AK3: variants seen among roughly 807,000 people sequenced by gnomAD.
AK3 encodes GTP:AMP phosphotransferase AK3, mitochondrial.
Under a neutral mutation model 23.7 loss-of-function variants are expected in AK3, and 27 were observed. The ratio of observed to expected loss-of-function variants is 1.14; its 90% CI spans 0.84 to 1.57. The LOEUF is 1.57. Ranked by LOEUF, AK3 falls within the 40% of genes most tolerant of loss-of-function variation. AK3 has a pLI of 0.00. For missense variants in AK3, 406 were observed against 285.6 expected (o/e 1.42, Z -3.04); for synonymous variants, 159 against 116.0 (o/e 1.37, Z -2.38).
At chr9:4,738,697 T>C (rs1401034767) in intron 1 of AK3, among the ~76,000 whole-genome samples, 1 of 151,758 alleles carries the variant, frequency 6.6e-6, no homozygotes, top group Non-Finnish European at 1.5e-5. Flanking sequence ...GGGATCTTAA[T>C]TTACCTTTTT....
rs1224209287 is a variant in AK3 at position 4,739,495 on chromosome 9, T to C, written c.151+1442A>G. On this transcript the variant is annotated intron_variant, in intron 1 of 4. Coordinates refer to ENST00000381809, the MANE Select transcript of AK3 (RefSeq NM_016282.4). ...AAGTGTGAACTGGTTAAATAAATCATACTAGATTCAGAAAATACATACTAC... is the reference window on the plus strand; with the variant it reads ...AAGTGTGAACTGGTTAAATAAATCACACTAGATTCAGAAAATACATACTAC... 2.7e-5 allele frequency among the ~76,000 whole-genome samples: 4 copies of C among 150,868 alleles called. No individual in the cohort carries two copies. In the East Asian group the frequency reaches 5.8e-4, roughly 22 times the overall value.
chr9:4,719,178 C>G lies in AK3; in HGVS notation c.401G>C (p.Ser134Thr), dbSNP rs1405083317. Residue 134 changes from serine (S) to threonine (T), a missense_variant, in exon 3 of 5, where the codon AGT becomes ACT. Transcript: ENST00000381809. ...RLTARWIHPASGRVYNIEFNP... is the reference protein window; with the variant it reads ...RLTARWIHPATGRVYNIEFNP... ...GAATTCAATGTTATAGACTCGGCCA[C>G]TGGCGGGATGAATCCAGCGAGCAGT... 6.2e-7 allele frequency: 1 copy of G among 1,611,904 alleles called. No homozygotes were observed. The highest frequency in any genetic ancestry group is 1.1e-5 in the South Asian group (1 of 90,984).
intron 4 of AK3, among the ~76,000 whole-genome samples, chr9:4,714,039 T>G (rs200316229): frequency 0.11 from 426 of 3,712 alleles, 89 homozygotes; most frequent in African/African-American, 0.26. Context: ...CACATATACA[T>G]CTACACATAT....
At chr9:4,721,361 C>T (rs1314028199) in intron 2 of AK3, among the ~76,000 whole-genome samples, 4 of 150,980 alleles carry the variant, frequency 2.6e-5, no homozygotes, top group African/African-American at 9.8e-5. Flanking sequence ...GGAGATCGCA[C>T]CATCACACTC....
chr9:4,731,002 G>T (rs1439964333), intron 1 of AK3, among the ~76,000 whole-genome samples: 1 of 152,072 alleles, frequency 6.6e-6, no homozygotes, highest in Non-Finnish European at 1.5e-5. Context: ...CACCTCTTTT[G>T]ACTGCCTTAC....
intron 1 of AK3, among the ~76,000 whole-genome samples, chr9:4,722,852 T>G (rs181927888): frequency 8.6e-5 from 13 of 151,020 alleles, no homozygotes; most frequent in African/African-American, 3.2e-4. Context: ...AGGACAGGAG[T>G]TCAAGACTAG....
rs1194942640 is a variant in AK3, at chr9:4,711,581, G to C, written c.*1395C>G. 6.6e-6 allele frequency: 1 copy of C among 152,334 alleles called. No homozygotes were observed. Among genetic ancestry groups the C allele is most frequent in the East Asian group, 1.9e-4 (1 of 5,196 alleles). 9.4% of individuals were successfully genotyped at this position (152,334 alleles called of 1,614,324 possible). On this transcript the variant is annotated 3_prime_UTR_variant, in exon 5 of 5. Transcript: ENST00000381809. Reference sequence around the variant, plus strand: ...TATTTTAAGTACCTGGGAAAAAAACGGAACAGATTTTTAAAGGCAATAACG... The same window carrying C: ...TATTTTAAGTACCTGGGAAAAAAACCGAACAGATTTTTAAAGGCAATAACG...
intron 2 of AK3, among the ~76,000 whole-genome samples, chr9:4,720,382 T>A (rs1841863407): frequency 6.6e-6 from 1 of 152,278 alleles, no homozygotes; most frequent in South Asian, 2.1e-4. Flanking sequence ...ATAATATATT[T>A]TCAAAAATGA....
intron 1 of AK3, among the ~76,000 whole-genome samples, chr9:4,731,648 C>T (rs945369160): frequency 5.3e-5 from 8 of 151,882 alleles, no homozygotes; most frequent in African/African-American, 1.7e-4. Context: ...TATATTTACC[C>T]CCTCCCAAAA....
At chr9:4,732,122 T>A (rs1441006119) in intron 1 of AK3, among the ~76,000 whole-genome samples, 1 of 151,194 alleles carries the variant, frequency 6.6e-6, no homozygotes, top group Non-Finnish European at 1.5e-5. Flanking sequence ...GCTAATTTTT[T>A]TTACTTTTTT....
chr9:4,730,820 CTTTTG>C (rs765518754), intron 1 of AK3, among the ~76,000 whole-genome samples: 87 of 152,016 alleles, frequency 5.7e-4, no homozygotes, highest in African/African-American at 1.3e-3. Flanking sequence ...TTATTTTTCT[CTTTTG>C]TTTTATGTGT....
At position 4,728,856 on chromosome 9, in the gene AK3, T is replaced by TACACAC. The variant is rs1236773024; in HGVS notation, c.152-6232_152-6231insGTGTGT. ...ACATATATATATATATATATATATA[T>TACACAC]ATATATATATACACACACACACACA... On this transcript the variant is annotated intron_variant, in intron 1 of 4. Coordinates refer to ENST00000381809, the MANE Select transcript of AK3 (RefSeq NM_016282.4). 5.1e-3 allele frequency among the ~76,000 whole-genome samples: 313 copies of TACACAC among 60,824 alleles called. 3 individuals carry two copies. The highest frequency in any genetic ancestry group is 0.014 in the East Asian group (23 of 1,640). The allele number at this position is 60,824 out of a possible 152,430, so 39.9% of individuals were successfully genotyped here.
intron 1 of AK3, among the ~76,000 whole-genome samples, chr9:4,727,347 T>C (rs979508924): frequency 1.3e-5 from 2 of 152,376 alleles, no homozygotes; most frequent in South Asian, 4.1e-4. Context: ...ATTGAAAATC[T>C]GTTAGTGTAG....
chr9:4,741,176 T>C lies in AK3; in HGVS notation c.-89A>G. ...CGCTCGGCAGCCTGCGCCGGCCGGC[T>C]AGCAGCGCCACTAGCAGGCGGCTAC... On this transcript the variant is annotated 5_prime_UTR_variant, in exon 1 of 5. Coordinates refer to ENST00000381809, the MANE Select transcript of AK3 (RefSeq NM_016282.4). The C allele has an allele frequency of 1.6e-6, 2 of 1,288,858 alleles. No individual in the cohort carries two copies. The highest frequency in any genetic ancestry group is 4.1e-5 in the South Asian group (2 of 48,438). The allele number at this position is 1,288,858 out of a possible 1,614,324, so 79.8% of individuals were successfully genotyped here.
chr9:4,718,581 G>A, intron 3 of AK3, 44 bp from the exon 4 acceptor site: 1 of 1,403,224 alleles, frequency 7.1e-7, no homozygotes, highest in Non-Finnish European at 1.0e-6. Context: ...TCATATTTCT[G>A]AAAGATATTT....
chr9:4,717,608 T>A (rs527967542), intron 4 of AK3, among the ~76,000 whole-genome samples: 2 of 152,208 alleles, frequency 1.3e-5, no homozygotes, highest in Non-Finnish European at 2.9e-5. Context: ...TTCAGCTTTA[T>A]GATGGTGCGA....
At chr9:4,728,903 TTA>T (rs1288944035) in intron 1 of AK3, among the ~76,000 whole-genome samples, 5 of 131,476 alleles carry the variant, frequency 3.8e-5, no homozygotes, top group African/African-American at 1.2e-4. Flanking sequence ...ATACACATAC[TTA>T]TATATATACA....
rs183015142 is a variant in AK3, at chr9:4,712,198, C to G, written c.*778G>C. 63 of 152,248 alleles carry G rather than the reference C, an allele frequency of 4.1e-4. No individual in the cohort carries two copies. The highest frequency in any genetic ancestry group is 1.4e-3 in the African/African-American group (58 of 41,554). 9.4% of individuals were successfully genotyped at this position (152,248 alleles called of 1,614,324 possible). ...CCTGAGTCATAACTGAAAACATAGA[C>G]TTTAATTACATTTTGTTGAAAATTC... On this transcript the variant is annotated 3_prime_UTR_variant, in exon 5 of 5. Coordinates refer to ENST00000381809, the MANE Select transcript of AK3 (RefSeq NM_016282.4).
Position 4,712,936 on chromosome 9 carries a change from G to T in AK3, c.*40C>A, listed in dbSNP as rs574591271. On this transcript the variant is annotated 3_prime_UTR_variant, in exon 5 of 5. Coordinates refer to ENST00000381809, the MANE Select transcript of AK3 (RefSeq NM_016282.4). ...AGCTTCTAAATGCAAGGACTAGGAGGTTTGCCCATCTTACTATTAATAGTT... is the reference window on the plus strand; with the variant it reads ...AGCTTCTAAATGCAAGGACTAGGAGTTTTGCCCATCTTACTATTAATAGTT... The T allele has an allele frequency of 6.2e-7, 1 of 1,600,882 alleles. No homozygotes were observed. Among genetic ancestry groups the T allele is most frequent in the Non-Finnish European group, 8.5e-7 (1 of 1,173,164 alleles).
Sources: allele counts gnomAD v4.1 joint callset (sites outside exome capture counted in the v4.1 genomes callset), GRCh38; gene constraint gnomAD v4.1.1; transcripts MANE v1.5; gene names NCBI Gene and HGNC (gene_info 2026-07-23, HGNC 2026-07-21).